SLC12A7: variants seen among roughly 807,000 people sequenced by gnomAD.
SLC12A7 encodes solute carrier family 12 member 7.
A neutral mutation model predicts 120.6 loss-of-function variants in SLC12A7; 100 were observed. That is an observed-to-expected ratio of 0.83 (90% CI 0.71 to 0.98). The LOEUF (loss-of-function observed/expected upper bound fraction) is 0.98. Ranked by LOEUF, SLC12A7 falls within the 50% of genes least tolerant of loss-of-function variation. The pLI is 0.00. For missense variants in SLC12A7, 1,373 were observed against 1,548.1 expected (o/e 0.89, Z 1.90); for synonymous variants, 760 against 678.0 (o/e 1.12, Z -1.88).
chr5:1,084,048 G>T (rs963816536), intron 7 of SLC12A7, 92 bp from the exon 8 acceptor site: 12 of 1,085,314 alleles, frequency 1.1e-5, no homozygotes, highest in East Asian at 2.5e-5. Context: ...CCATGGTGTC[G>T]CCCGCGAGTG....
chr5:1,090,606 T>C (rs182983237), intron 3 of SLC12A7, among the ~76,000 whole-genome samples: 55 of 152,230 alleles, frequency 3.6e-4, no homozygotes, highest in Admixed American at 2.4e-3. Context: ...CCAGGGACAA[T>C]TGTTGCTGTG....
At chr5:1,085,935 G>A (rs556355495) in intron 6 of SLC12A7, among the ~76,000 whole-genome samples, 5 of 152,216 alleles carry the variant, frequency 3.3e-5, no homozygotes, top group Admixed American at 6.5e-5. Flanking sequence ...TGACCACGCC[G>A]GCGGGGGGCA....
Position 1,085,101 on chromosome 5 carries a change from G to A in SLC12A7, c.917+131C>T, listed in dbSNP as rs562247833. Reference sequence around the variant, plus strand: ...CCAGAACGAGCCCACGGGGGTTCCCGCCACGGTCACACCCAGCCCACCCCT... The same window carrying A: ...CCAGAACGAGCCCACGGGGGTTCCCACCACGGTCACACCCAGCCCACCCCT... On this transcript the variant is annotated intron_variant, in intron 7 of 23. Transcript: ENST00000264930. 1.5e-4 allele frequency: 198 copies of A among 1,317,818 alleles called. No individual in the cohort carries two copies. In the African/African-American group the frequency reaches 1.8e-3, roughly 12 times the overall value. The allele number at this position is 1,317,818 out of a possible 1,614,324, so 81.6% of individuals were successfully genotyped here. A position where few individuals can be genotyped will look rare whatever the true frequency, so the allele number is the denominator to read the frequency against.
chr5:1,052,244 GC>G lies in SLC12A7; in HGVS notation c.*115del. On this transcript the variant is annotated 3_prime_UTR_variant, in exon 24 of 24. Coordinates refer to ENST00000264930, the MANE Select transcript of SLC12A7 (RefSeq NM_006598.3). ...GTAGGAAGCCCCATGGGCAGCTTGG[GC>G]GGCATCACTGGGGGACAGGTGTGTC... 1.1e-6 allele frequency: 1 copy of G among 869,786 alleles called. No homozygotes were observed. Among genetic ancestry groups the G allele is most frequent in the Non-Finnish European group, 1.9e-6 (1 of 518,156 alleles). The allele number at this position is 869,786 out of a possible 1,614,324, so 53.9% of individuals were successfully genotyped here. A position where few individuals can be genotyped will look rare whatever the true frequency, so the allele number is the denominator to read the frequency against.
chr5:1,115,317 T>A (rs1166459924), upstream of SLC12A7, among the ~76,000 whole-genome samples: 2 of 152,174 alleles, frequency 1.3e-5, no homozygotes, highest in African/African-American at 4.8e-5. Flanking sequence ...GAGTTTCTAA[T>A]GGATTAGGAC....
chr5:1,147,140 A>C, the SLC12A7 span, among the ~76,000 whole-genome samples: 1 of 152,088 alleles, frequency 6.6e-6, no homozygotes, highest in Admixed American at 6.5e-5. Flanking sequence ...CCCACAGACA[A>C]ATGAACGGAA....
chr5:1,064,732 GGACAGCGAGGGGACGGCGAGGA>G, intron 18 of SLC12A7, among the ~76,000 whole-genome samples: 1 of 149,464 alleles, frequency 6.7e-6, no homozygotes, highest in African/African-American at 2.5e-5. Context: ...GACGGTGAAG[GGACAGCGAGGGGACGGCGAGGA>G]GACGGTGAAG....
the SLC12A7 span, among the ~76,000 whole-genome samples, chr5:1,124,019 C>A: frequency 2.4e-3 from 369 of 152,316 alleles, 1 homozygote; most frequent in African/African-American, 8.5e-3. Context: ...TACCACAAGT[C>A]ATCAATTTCT....
intron 13 of SLC12A7, 92 bp downstream of exon 13, chr5:1,076,602 A>G: frequency 1.1e-6 from 1 of 908,074 alleles, no homozygotes; most frequent in Admixed American, 2.0e-5. Flanking sequence ...ATGCCTGTCT[A>G]CTGCTTGTCC....
chr5:1,133,962 A>G, the SLC12A7 span, among the ~76,000 whole-genome samples: 2 of 152,212 alleles, frequency 1.3e-5, no homozygotes, highest in East Asian at 3.9e-4. Flanking sequence ...CAGCACGTAC[A>G]CCATGGAGAG....
intron 9 of SLC12A7, among the ~76,000 whole-genome samples, chr5:1,080,917 G>A (rs952708829): frequency 6.6e-6 from 1 of 152,146 alleles, no homozygotes; most frequent in African/African-American, 2.4e-5. Context: ...AGGACGCAGG[G>A]CAGAGACCTC....
At chr5:1,108,692 C>T (rs374260234) in intron 1 of SLC12A7, among the ~76,000 whole-genome samples, 45 of 152,380 alleles carry the variant, frequency 3.0e-4, no homozygotes, top group East Asian at 1.2e-3. Context: ...TCAGCACGAC[C>T]GGCGTGCACC....
At chr5:1,101,729 C>T (rs934145041) in intron 1 of SLC12A7, among the ~76,000 whole-genome samples, 17 of 152,238 alleles carry the variant, frequency 1.1e-4, no homozygotes, top group Non-Finnish European at 2.4e-4. Flanking sequence ...CCGCCCCACA[C>T]AGCCCTGGTC....
At chr5:1,093,512 G>GGACTGGGCGGT (rs60713238) in intron 3 of SLC12A7, 21 bp downstream of exon 3, 2 of 1,583,776 alleles carry the variant, frequency 1.3e-6, no homozygotes, top group Non-Finnish European at 1.7e-6. Context: ...GACTGGGCGG[G>GGACTGGGCGGT]CACGGGCAGG....
intron 9 of SLC12A7, among the ~76,000 whole-genome samples, chr5:1,080,217 CT>C: frequency 1.4e-5 from 1 of 70,412 alleles, no homozygotes. Flanking sequence ...CCCCCACGCC[CT>C]CCACCCGCGG....
At chr5:1,066,115 C>T (rs746072951) in intron 17 of SLC12A7, among the ~76,000 whole-genome samples, 2 of 152,172 alleles carry the variant, frequency 1.3e-5, no homozygotes, top group Admixed American at 6.5e-5. Context: ...GCAGGCCTCC[C>T]ACCCTCTGAC....
At chr5:1,112,300 C>T, upstream of SLC12A7, among the ~76,000 whole-genome samples, 1 of 119,588 alleles carries the variant, frequency 8.4e-6, no homozygotes, top group Non-Finnish European at 1.8e-5. Flanking sequence ...CCCTCCTGCT[C>T]CAGCCCCCTG....
rs775831204 is a variant in SLC12A7 at position 1,073,674 on chromosome 5, T to C, written c.2200A>G (p.Thr734Ala). The C allele has an allele frequency of 1.2e-6, 2 of 1,601,388 alleles. No homozygotes were observed. Among genetic ancestry groups the C allele is most frequent in the Non-Finnish European group, 1.7e-6 (2 of 1,174,482 alleles). Residue 734 changes from threonine (T) to alanine (A), a missense_variant, in exon 17 of 24, where the codon ACG becomes GCG. By Grantham distance (58) the Thr-to-Ala change is moderately conservative (BLOSUM62 0). Transcript: ENST00000264930. ...GCCTCCATGTGCTTGTCCAGGTACG[T>C]CCCCTCCAGCACCGAGCCCACGATG... ...LTIVGSVLEGTYLDKHMEAQR... is the reference protein window; with the variant it reads ...LTIVGSVLEGAYLDKHMEAQR...
At chr5:1,125,265 G>C in the SLC12A7 span, among the ~76,000 whole-genome samples, 1 of 111,930 alleles carries the variant, frequency 8.9e-6, no homozygotes, top group African/African-American at 5.2e-5. Context: ...TGTTTTAAAC[G>C]AAAGTGTGTG....
Sources: gnomAD v4.1 joint callset for allele counts (sites outside exome capture counted in the v4.1 genomes callset) on GRCh38, gnomAD v4.1.1 for gene constraint, MANE v1.5 for transcripts, NCBI Gene and HGNC (gene_info 2026-07-23, HGNC 2026-07-21) for gene names.